Variants in ARPC2 observed in about 807,000 individuals in gnomAD.
ARPC2 encodes the protein actin related protein 2/3 complex subunit 2, also known as actin-related protein 2/3 complex subunit 2.
A neutral mutation model predicts 38.6 loss-of-function variants in ARPC2; 4 were observed. The ratio of observed to expected loss-of-function variants is 0.10; its 90% confidence interval spans 0.05 to 0.24. The LOEUF is 0.24. Among genes scored for constraint, ARPC2 ranks in the 10% least tolerant of loss-of-function variants. The pLI, the probability that ARPC2 is intolerant of heterozygous loss-of-function variation, is 1.00. For missense variants in ARPC2, 229 were observed against 387.3 expected, an observed-to-expected ratio of 0.59 and a Z score of 3.43; for synonymous variants, 125 against 140.8, an observed-to-expected ratio of 0.89 and a Z score of 0.79.
At chr2:218,234,430 A>G in intron 5 of ARPC2, 33 bp downstream of exon 5, 1 of 1,526,996 alleles carries the variant, frequency 6.5e-7, no homozygotes, top group Non-Finnish European at 9.0e-7. Flanking sequence ...ATGGAATGAC[A>G]TGGGAAGAGA....
intron 5 of ARPC2, chr2:218,234,733 C>G (rs1309992414): frequency 2.2e-6 from 1 of 464,706 alleles, no homozygotes; most frequent in Non-Finnish European, 4.2e-6. Flanking sequence ...AACATTGATT[C>G]CCACCCTCGG....
chr2:218,230,122 C>G (rs991267402), intron 4 of ARPC2, among the ~76,000 whole-genome samples: 1 of 151,632 alleles, frequency 6.6e-6, no homozygotes, highest in Admixed American at 6.6e-5. Flanking sequence ...AGGCATGCAC[C>G]GCTACACCTG....
chr2:218,238,601 T>TTTTC (rs1689832070), intron 5 of ARPC2, 63 bp from the exon 6 acceptor site: 1 of 957,554 alleles, frequency 1.0e-6, no homozygotes, highest in Non-Finnish European at 1.5e-6. Context: ...TTTTTTTTTT[T>TTTTC]TTTTTTTTTT....
At chr2:218,217,657 G>C in intron 2 of ARPC2, 113 bp downstream of exon 2, 2 of 1,158,512 alleles carry the variant, frequency 1.7e-6, no homozygotes, top group Non-Finnish European at 2.5e-6. Context: ...TGCCTGGCAG[G>C]GTGTAGGGGC....
intron 7 of ARPC2, among the ~76,000 whole-genome samples, chr2:218,241,136 G>C (rs1689904765): frequency 6.6e-6 from 1 of 152,198 alleles, no homozygotes. Flanking sequence ...TTCCTTGGCA[G>C]GGTGGTAAAG....
At chr2:218,253,529 A>G (rs1690244419) in intron 10 of ARPC2, among the ~76,000 whole-genome samples, 1 of 152,252 alleles carries the variant, frequency 6.6e-6, no homozygotes, top group African/African-American at 2.4e-5. Context: ...AGGAGCTGAC[A>G]AATGAGGTAG....
At chr2:218,217,616 A>C in intron 2 of ARPC2, 72 bp downstream of exon 2, 2 of 1,435,760 alleles carry the variant, frequency 1.4e-6, no homozygotes, top group Non-Finnish European at 1.9e-6. Flanking sequence ...AATGTTGTCC[A>C]GTCCCCCAGA....
At chr2:218,219,460 A>G (rs1226365243) in intron 2 of ARPC2, among the ~76,000 whole-genome samples, 3 of 151,294 alleles carry the variant, frequency 2.0e-5, no homozygotes, top group Non-Finnish European at 4.4e-5. Flanking sequence ...AGTGAGTCTC[A>G]TGTCTCGGCT....
chr2:218,226,383 A>G (rs572701387), intron 3 of ARPC2, among the ~76,000 whole-genome samples: 1 of 152,226 alleles, frequency 6.6e-6, no homozygotes, highest in South Asian at 2.1e-4. Flanking sequence ...TAATCCCAGC[A>G]CTTTGGGAGG....
At chr2:218,250,663 CAAA>C (rs35549624) in intron 10 of ARPC2, among the ~76,000 whole-genome samples, 8 of 120,148 alleles carry the variant, frequency 6.7e-5, no homozygotes, top group Non-Finnish European at 8.4e-5. Context: ...GACTTAGTCT[CAAA>C]AAAAAAAAAA....
At chr2:218,232,371 G>A (rs1259077041) in intron 4 of ARPC2, among the ~76,000 whole-genome samples, 1 of 152,152 alleles carries the variant, frequency 6.6e-6, no homozygotes, top group Non-Finnish European at 1.5e-5. Context: ...TCTGTTTTTT[G>A]TTGCTATAAC....
intron 4 of ARPC2, among the ~76,000 whole-genome samples, chr2:218,229,962 A>G (rs1181454811): frequency 1.3e-5 from 2 of 151,574 alleles, no homozygotes; most frequent in African/African-American, 4.8e-5. Context: ...TGGCTATTAA[A>G]GCAGCCCTGC....
At chr2:218,250,000 T>G in intron 10 of ARPC2, 79 bp downstream of exon 10, 2 of 1,262,628 alleles carry the variant, frequency 1.6e-6, no homozygotes, top group African/African-American at 3.0e-5. Flanking sequence ...GGTGGCCTGG[T>G]CCTCCATGTA....
chr2:218,224,014 T>C (rs916052428), intron 2 of ARPC2, among the ~76,000 whole-genome samples: 4 of 152,196 alleles, frequency 2.6e-5, no homozygotes, highest in Non-Finnish European at 5.9e-5. Flanking sequence ...TGAAGTCTCC[T>C]TTGGCCTAAT....
At chr2:218,246,422 C>A (rs572877448) in intron 8 of ARPC2, among the ~76,000 whole-genome samples, 1 of 152,050 alleles carries the variant, frequency 6.6e-6, no homozygotes, top group South Asian at 2.1e-4. Flanking sequence ...CCCAGCTACT[C>A]GGGAGGCTGA....
chr2:218,232,917 C>G (rs1295294581), intron 4 of ARPC2: 1 of 151,764 alleles, frequency 6.6e-6, no homozygotes, highest in East Asian at 2.0e-4. Flanking sequence ...AATAACAAAC[C>G]AACTTCCCCT....
At chr2:218,239,298 TG>T (rs1197395683) in intron 6 of ARPC2, 92 bp from the exon 7 acceptor site, 5 of 864,542 alleles carry the variant, frequency 5.8e-6, no homozygotes, top group Non-Finnish European at 9.5e-6. Context: ...AAGAGATTTA[TG>T]ACTTTAGCCT....
intron 2 of ARPC2, among the ~76,000 whole-genome samples, 182 bp downstream of exon 2, chr2:218,217,726 G>T (rs1689287450): frequency 6.6e-6 from 1 of 152,236 alleles, no homozygotes; most frequent in Admixed American, 6.5e-5. Flanking sequence ...GGGCAGAGAT[G>T]CGTGGGGAGA....
chr2:218,223,796 A>G (rs1689435291), intron 2 of ARPC2, among the ~76,000 whole-genome samples: 1 of 152,206 alleles, frequency 6.6e-6, no homozygotes, highest in South Asian at 2.1e-4. Context: ...AAATAATGTA[A>G]CTATTAATTC....
Sources: allele counts gnomAD v4.1 joint callset (sites outside exome capture counted in the v4.1 genomes callset), GRCh38; gene constraint gnomAD v4.1.1; transcripts MANE v1.5; gene names NCBI Gene and HGNC (gene_info 2026-07-23, HGNC 2026-07-21).